The following KAZN variants were observed in gnomAD, a reference collection of about 807,000 sequenced individuals.
The protein encoded by KAZN is kazrin, periplakin interacting protein, also known as kazrin.
In KAZN, 40 loss-of-function variants were observed where a neutral mutation model predicts 87.4. The ratio of observed to expected loss-of-function variants is 0.46; its 90% CI spans 0.36 to 0.60. The LOEUF is 0.60. Among genes scored for constraint, KAZN ranks in the 20% least tolerant of loss-of-function variants. The probability of loss-of-function intolerance (pLI) is 0.00; values close to 1 mark genes in which losing one functional copy is unlikely to be tolerated. For synonymous variants in KAZN, 466 were observed against 458.3 expected (o/e 1.02, Z -0.22); for missense variants, 898 against 1,073.9 (o/e 0.84, Z 2.29).
intron 2 of KAZN, among the ~76,000 whole-genome samples, chr1:14,557,230 C>T (rs976186647): frequency 7.2e-5 from 11 of 152,208 alleles, no homozygotes; most frequent in Non-Finnish European, 1.2e-4. Context: ...TAACAGCATT[C>T]ATTTAGAAAT....
At chr1:14,419,795 A>G (rs1484386514) in intron 2 of KAZN, among the ~76,000 whole-genome samples, 2 of 150,604 alleles carry the variant, frequency 1.3e-5, no homozygotes, top group African/African-American at 4.9e-5. Context: ...GGAGTTGTTC[A>G]TTCCTCCCGG....
At chr1:14,085,721 C>T (rs1003082890) in intron 1 of KAZN, among the ~76,000 whole-genome samples, 1 of 152,138 alleles carries the variant, frequency 6.6e-6, no homozygotes, top group Non-Finnish European at 1.5e-5. Flanking sequence ...TAAACATTCA[C>T]ATACAAGTCT....
intron 1 of KAZN, among the ~76,000 whole-genome samples, chr1:14,835,977 G>A (rs1557539604): frequency 6.6e-6 from 1 of 152,250 alleles, no homozygotes; most frequent in Non-Finnish European, 1.5e-5. Flanking sequence ...GCTGGTAACA[G>A]CTGGGTTGGA....
At chr1:14,298,932 G>A (rs1654328389) in intron 2 of KAZN, among the ~76,000 whole-genome samples, 2 of 152,172 alleles carry the variant, frequency 1.3e-5, no homozygotes, top group South Asian at 4.2e-4. Context: ...AAGTGCAGGC[G>A]TGGTAGTCTG....
At chr1:14,490,625 T>C (rs1279715772) in intron 2 of KAZN, among the ~76,000 whole-genome samples, 1 of 152,210 alleles carries the variant, frequency 6.6e-6, no homozygotes, top group Non-Finnish European at 1.5e-5. Flanking sequence ...CCTGAGTAGC[T>C]GGGATTACAG....
At chr1:14,367,982 T>C (rs1660154186) in intron 2 of KAZN, among the ~76,000 whole-genome samples, 1 of 152,214 alleles carries the variant, frequency 6.6e-6, no homozygotes, top group Admixed American at 6.5e-5. Context: ...GAAAGTGGGA[T>C]AGCGAGAGCT....
chr1:14,018,378 AG>A (rs1158642764), intron 1 of KAZN, among the ~76,000 whole-genome samples: 1 of 152,174 alleles, frequency 6.6e-6, no homozygotes, highest in African/African-American at 2.4e-5. Flanking sequence ...GGGGAGAAGG[AG>A]GGGTCTTATC....
At chr1:14,194,989 A>C (rs1019088231) in intron 2 of KAZN, among the ~76,000 whole-genome samples, 1 of 152,078 alleles carries the variant, frequency 6.6e-6, no homozygotes, top group Non-Finnish European at 1.5e-5. Flanking sequence ...TATAGTTCTC[A>C]TTTTCAAGGA....
At chr1:14,224,509 G>C (rs1050249380) in intron 2 of KAZN, among the ~76,000 whole-genome samples, 1 of 152,178 alleles carries the variant, frequency 6.6e-6, no homozygotes, top group African/African-American at 2.4e-5. Flanking sequence ...ACAGATGCCA[G>C]AGAAAACTTC....
chr1:14,195,703 T>C lies in KAZN; in HGVS notation c.249+15111T>C, dbSNP rs151034877. Among the ~76,000 whole-genome samples the C allele has an allele frequency of 1.1e-3, 163 of 152,176 alleles. 3 individuals carry two copies. The East Asian group carries it at 0.026, about 24-fold the overall frequency. On this transcript the variant is annotated intron_variant, in intron 2 of 16. Transcript: ENST00000636203. ...TAATATCCTCGGAGAAATAAGAAAA[T>C]GTTGCATCTGAAAAATCAGAACACA...
In KAZN at chr1:14,606,710, T is replaced by C. The variant is rs148761183; in HGVS notation, c.226+7487T>C. Among the ~76,000 whole-genome samples, 867 of 152,286 alleles carry C rather than the reference T, an allele frequency of 5.7e-3. 5 individuals are homozygous for C. The highest frequency in any genetic ancestry group is 0.019 in the African/African-American group (802 of 41,574). On this transcript the variant is annotated intron_variant, in intron 1 of 14. Transcript: ENST00000376030. ...TAACCTCAAACAGATACCTTCATGC[T>C]AGGGTTTCTTAGCCCCAGTACTATT... is the stretch of plus-strand genomic sequence containing the variant.
At chr1:14,166,245 G>A (rs7539955) in intron 1 of KAZN, among the ~76,000 whole-genome samples, 3,915 of 152,304 alleles carry the variant, frequency 0.026, 70 homozygotes, top group Non-Finnish European at 0.04. Context: ...AACCTGGGCG[G>A]CAGAGGCTGC....
At chr1:14,297,631 T>A (rs937345669) in intron 2 of KAZN, among the ~76,000 whole-genome samples, 1 of 152,084 alleles carries the variant, frequency 6.6e-6, no homozygotes, top group Non-Finnish European at 1.5e-5. Context: ...CTCTCCACCA[T>A]CCACCCTAGG....
intron 2 of KAZN, among the ~76,000 whole-genome samples, chr1:15,005,244 C>G (rs192287623): frequency 3.3e-5 from 5 of 152,248 alleles, no homozygotes; most frequent in Non-Finnish European, 7.4e-5. Context: ...ACAGATTCTG[C>G]CTTTGCAGTT....
At position 14,367,256 on chromosome 1, in the gene KAZN, G is replaced by C. The variant is rs556369412; in HGVS notation, c.249+186664G>C. ...AAAAAAAGAAAAAGGCTCTCAGCGGGAAAGGAAGCTGGAAGGGAGATGGAG... is the reference window on the plus strand; with the variant it reads ...AAAAAAAGAAAAAGGCTCTCAGCGGCAAAGGAAGCTGGAAGGGAGATGGAG... On this transcript the variant is annotated intron_variant, in intron 2 of 16. Coordinates refer to the KAZN transcript ENST00000636203. Among the ~76,000 whole-genome samples the C allele has an allele frequency of 1.9e-3, 294 of 152,214 alleles. 2 individuals carry two copies. The highest frequency in any genetic ancestry group is 2.6e-3 in the Non-Finnish European group (177 of 68,008).
chr1:14,076,917 G>A (rs933987041), intron 1 of KAZN, among the ~76,000 whole-genome samples: 1 of 152,172 alleles, frequency 6.6e-6, no homozygotes, highest in African/African-American at 2.4e-5. Flanking sequence ...TGCAAGGTGA[G>A]GATGCCGTTG....
At chr1:15,109,995 ATATGTGTGT>A (rs1641459669) in intron 13 of KAZN, among the ~76,000 whole-genome samples, 1 of 118,666 alleles carries the variant, frequency 8.4e-6, no homozygotes, top group African/African-American at 2.9e-5. Context: ...TTATGTGGGT[ATATGTGTGT>A]TGTGTATGTA....
At chr1:14,740,110 G>C (rs890078278) in intron 1 of KAZN, among the ~76,000 whole-genome samples, 1 of 152,136 alleles carries the variant, frequency 6.6e-6, no homozygotes, top group African/African-American at 2.4e-5. Context: ...GACCCAAGCC[G>C]AGTGTGTGCT....
rs533974137 is a variant in KAZN at position 15,094,788 on chromosome 1, C to G, written c.1429-27C>G. 1.3e-6 allele frequency: 2 copies of G among 1,522,964 alleles called. No individual in the cohort carries two copies. Among genetic ancestry groups the G allele is most frequent in the African/African-American group, 2.8e-5 (2 of 72,602 alleles). 94.3% of individuals were successfully genotyped at this position (1,522,964 alleles called of 1,614,324 possible). ...ACCCCGCCGGCAGCTGTCCCAGCCC[C>G]CATATGACACTCCCTCCCGGGGGCA... On this transcript the variant is annotated intron_variant, in intron 9 of 14. Transcript: ENST00000376030. The surrounding 1 kb of genome is among the most constrained non-coding windows in gnomAD (Gnocchi z 4.5).
Sources: allele counts gnomAD v4.1 joint callset (sites outside exome capture counted in the v4.1 genomes callset), GRCh38; gene constraint gnomAD v4.1.1; non-coding constraint Gnocchi (gnomAD v3.1); transcripts MANE v1.5; gene names NCBI Gene and HGNC (gene_info 2026-07-23, HGNC 2026-07-21).